JAM3: variants seen among roughly 807,000 people sequenced by gnomAD.
JAM3 encodes junctional adhesion molecule 3.
JAM3 carries 31 observed loss-of-function variants against 39.4 expected under a neutral mutation model. That is an observed-to-expected ratio of 0.79 (90% CI 0.59 to 1.06). The LOEUF (loss-of-function observed/expected upper bound fraction) is 1.06, where lower values mean the gene tolerates loss of function less well. Ranked by LOEUF, JAM3 falls within the 50% of genes least tolerant of loss-of-function variation. The pLI is 0.00. For synonymous variants in JAM3, 182 were observed against 148.7 expected (o/e 1.22, Z -1.63); for missense variants, 455 against 391.4 (o/e 1.16, Z -1.37).
intron 2 of JAM3, among the ~76,000 whole-genome samples, 158 bp from the exon 3 acceptor site, chr11:134,140,499 C>G (rs1942954829): frequency 6.6e-6 from 1 of 151,966 alleles, no homozygotes; most frequent in Non-Finnish European, 1.5e-5. Context: ...GTTTTTCTGG[C>G]AAAAAATCCT....
At chr11:134,132,568 C>A (rs187292028) in intron 1 of JAM3, among the ~76,000 whole-genome samples, 2 of 152,292 alleles carry the variant, frequency 1.3e-5, no homozygotes, top group East Asian at 3.9e-4. Context: ...GAAATTATAA[C>A]ACAAATTCAG....
At chr11:134,078,722 T>C (rs118048650) in intron 1 of JAM3, among the ~76,000 whole-genome samples, 1 of 152,196 alleles carries the variant, frequency 6.6e-6, no homozygotes, top group Non-Finnish European at 1.5e-5. Flanking sequence ...ATTAGGGTAA[T>C]GTTTTTGTTT....
chr11:134,147,402 C>T (rs1272772), intron 6 of JAM3, among the ~76,000 whole-genome samples: 2 of 131,186 alleles, frequency 1.5e-5, no homozygotes, highest in East Asian at 2.7e-4. Context: ...TGCAGTGAGC[C>T]GAGATTGCAC....
intron 1 of JAM3, among the ~76,000 whole-genome samples, chr11:134,111,512 TAAAGAG>T (rs1360676172): frequency 6.6e-6 from 1 of 152,102 alleles, no homozygotes; most frequent in African/African-American, 2.4e-5. Flanking sequence ...ATCCTAGTGT[TAAAGAG>T]GAAGAAACTC....
intron 1 of JAM3, among the ~76,000 whole-genome samples, chr11:134,098,478 A>G (rs1379972134): frequency 6.6e-6 from 1 of 152,176 alleles, no homozygotes; most frequent in South Asian, 2.1e-4. Flanking sequence ...CAGCAAGACT[A>G]TTTCTACCTG....
At position 134,149,515 on chromosome 11, in the gene JAM3, C is replaced by A; in HGVS notation, c.*334C>A. 2 of 508,584 alleles carry A rather than the reference C, an allele frequency of 3.9e-6. No individual in the cohort carries two copies. Among genetic ancestry groups the A allele is most frequent in the Non-Finnish European group, 7.5e-6 (2 of 265,398 alleles). The allele number at this position is 508,584 out of a possible 1,614,324, so 31.5% of individuals were successfully genotyped here. On this transcript the variant is annotated 3_prime_UTR_variant, in exon 9 of 9. Transcript: ENST00000299106. The stretch of plus-strand genomic sequence containing the variant: ...TGCTCACGTAAACGCCCGTGCTGGG[C>A]CCTGTGAAGCCAGCATGTTCACCAC...
intron 1 of JAM3, among the ~76,000 whole-genome samples, chr11:134,122,766 T>A (rs1335068231): frequency 6.6e-6 from 1 of 152,262 alleles, no homozygotes; most frequent in African/African-American, 2.4e-5. Flanking sequence ...CTGCTATTTC[T>A]TTGACCGTTT....
chr11:134,099,014 A>T (rs1474508292), intron 1 of JAM3, among the ~76,000 whole-genome samples: 1 of 152,094 alleles, frequency 6.6e-6, no homozygotes, highest in East Asian at 1.9e-4. Flanking sequence ...AGCCTGGGAA[A>T]TATGATGAAA....
intron 1 of JAM3, among the ~76,000 whole-genome samples, chr11:134,090,934 A>G (rs1178206413): frequency 6.6e-6 from 1 of 152,222 alleles, no homozygotes; most frequent in Non-Finnish European, 1.5e-5. Context: ...ATTTAGAGTA[A>G]CTATGCACCA....
intron 1 of JAM3, among the ~76,000 whole-genome samples, chr11:134,128,865 C>G (rs566725022): frequency 2.0e-4 from 30 of 152,254 alleles, no homozygotes; most frequent in African/African-American, 6.7e-4. Context: ...TTGTATCTTT[C>G]TCTTGCTCTG....
rs541627406 is a variant in JAM3 at position 134,144,301 on chromosome 11, C to T, written c.317C>T (p.Thr106Ile). 2.5e-6 allele frequency: 4 copies of T among 1,614,048 alleles called. No homozygotes were observed. The highest frequency in any genetic ancestry group is 3.4e-6 in the Non-Finnish European group (4 of 1,180,014). The change falls in exon 4 of 9, where the codon ACA becomes ATA. Residue 106 changes from threonine to isoleucine, a missense_variant. By Grantham distance (89) the Thr-to-Ile change is moderately conservative (BLOSUM62 -1). Coordinates refer to ENST00000299106, the MANE Select transcript of JAM3 (RefSeq NM_032801.5). ...GKTSLKIWNV[T>I]RRDSALYRCE... ...ACATCCCTGAAGATCTGGAATGTGA[C>T]ACGGAGAGACTCAGCCCTTTATCGC...
rs145370974 is a variant in JAM3 at position 134,148,819 on chromosome 11, G to T, written c.897+1G>T. The T allele has an allele frequency of 3.3e-5, 54 of 1,613,922 alleles. No homozygotes were observed. The highest frequency in any genetic ancestry group is 4.2e-5 in the Non-Finnish European group (50 of 1,179,966). On this transcript the variant is annotated splice_donor_variant, in intron 8 of 8. Transcript: ENST00000299106. LOFTEE classifies it high-confidence loss of function. ...TAACTACATCCGCACTGACGAGGAGGTAATCATTTAGTAAACCTGGAAACC... is the reference window on the plus strand; with the variant it reads ...TAACTACATCCGCACTGACGAGGAGTTAATCATTTAGTAAACCTGGAAACC...
At chr11:134,090,267 G>A (rs545085521) in intron 1 of JAM3, among the ~76,000 whole-genome samples, 1 of 152,268 alleles carries the variant, frequency 6.6e-6, no homozygotes, top group African/African-American at 2.4e-5. Flanking sequence ...CCTGTTCACT[G>A]TGATGGTAGT....
At chr11:134,114,285 A>G (rs1282781040) in intron 1 of JAM3, among the ~76,000 whole-genome samples, 1 of 151,564 alleles carries the variant, frequency 6.6e-6, no homozygotes, top group Non-Finnish European at 1.5e-5. Context: ...TATGTCCTGA[A>G]TGGTTTTCTT....
At chr11:134,117,709 A>C (rs1190101711) in intron 1 of JAM3, among the ~76,000 whole-genome samples, 1 of 152,222 alleles carries the variant, frequency 6.6e-6, no homozygotes, top group Admixed American at 6.5e-5. Context: ...GAAACAAAGC[A>C]AACGAATAAC....
chr11:134,147,676 CG>C (rs1943102994), intron 6 of JAM3: 1 of 150,860 alleles, frequency 6.6e-6, no homozygotes, highest in Non-Finnish European at 1.5e-5. Flanking sequence ...CTAGTAGAGA[CG>C]GGGTTTCACC....
At chr11:134,088,405 AT>A (rs1941781041) in intron 1 of JAM3, among the ~76,000 whole-genome samples, 1 of 148,838 alleles carries the variant, frequency 6.7e-6, no homozygotes, top group African/African-American at 2.5e-5. Context: ...TTTTTTTTTT[AT>A]TTTTTATTTT....
At chr11:134,088,282 T>G (rs1370381241) in intron 1 of JAM3, among the ~76,000 whole-genome samples, 1 of 152,252 alleles carries the variant, frequency 6.6e-6, no homozygotes, top group Non-Finnish European at 1.5e-5. Flanking sequence ...CATTTACCAA[T>G]GATGTATTAC....
At chr11:134,124,213 C>G (rs1164416327) in intron 1 of JAM3, 55 of 1,392,640 alleles carry the variant, frequency 3.9e-5, no homozygotes, top group Non-Finnish European at 5.5e-5. Flanking sequence ...AAAGTCATCA[C>G]TCCATACTTC....
Sources: gnomAD v4.1 joint callset for allele counts (sites outside exome capture counted in the v4.1 genomes callset) on GRCh38, gnomAD v4.1.1 for gene constraint, MANE v1.5 for transcripts, NCBI Gene and HGNC (gene_info 2026-07-23, HGNC 2026-07-21) for gene names.